SYNE1: variants seen among roughly 807,000 people sequenced by gnomAD.
The protein encoded by SYNE1 is nesprin-1.
SYNE1 carries 616 observed loss-of-function variants against 1,111.0 expected under a neutral mutation model. That is an observed-to-expected ratio of 0.55 (90% CI 0.52 to 0.59). The LOEUF is 0.59. SYNE1 is among the 20% of genes least tolerant of loss of function. The pLI is 0.00. For missense variants in SYNE1, 10,006 were observed against 10,417.0 expected (o/e 0.96, Z 1.72); for synonymous variants, 3,855 against 3,825.8 (o/e 1.01, Z -0.28).
In SYNE1 at chr6:152,278,278, A is replaced by G; in HGVS notation, c.18384T>C (p.Asn6128=). Residue 6128 remains asparagine, a splice_region_variant and synonymous_variant, in exon 98 of 146, where the codon AAT becomes AAC. Coordinates refer to ENST00000367255, the MANE Select transcript of SYNE1 (RefSeq NM_182961.4). ...DMEAQLMDCQ[N]MLVEIEQKVV... Reference sequence around the variant, plus strand: ...CCTTCTGCTCTATTTCCACCAGCATATTCTGCAGCAACAGAAATAAGAATG... The same window carrying G: ...CCTTCTGCTCTATTTCCACCAGCATGTTCTGCAGCAACAGAAATAAGAATG... 6.2e-7 allele frequency: 1 copy of G among 1,614,038 alleles called. No homozygotes were observed.
In SYNE1 at chr6:152,362,419, G is replaced by A. The variant is rs1421838701; in HGVS notation, c.10146-96C>T. ...GCTCCATCCACTCCAGTAAGCAAGG[G>A]GTCAAGAGATCAGGAAGAAGCTTGC... is the stretch of plus-strand genomic sequence containing the variant. On this transcript the variant is annotated intron_variant, in intron 63 of 145. Coordinates refer to ENST00000367255, the MANE Select transcript of SYNE1 (RefSeq NM_182961.4). 1.3e-5 allele frequency: 20 copies of A among 1,528,920 alleles called. 1 individual carries two copies. The highest frequency in any genetic ancestry group is 9.0e-5 in the East Asian group (4 of 44,244). The allele number at this position is 1,528,920 out of a possible 1,614,324, so 94.7% of individuals were successfully genotyped here. A position where few individuals can be genotyped will look rare whatever the true frequency, so the allele number is the denominator to read the frequency against.
At chr6:152,139,269 C>A (rs1402578210) in intron 140 of SYNE1, among the ~76,000 whole-genome samples, 2 of 152,014 alleles carry the variant, frequency 1.3e-5, no homozygotes, top group South Asian at 4.2e-4. Context: ...CCCTTTTCTG[C>A]CCTTGAAAAC....
chr6:152,289,367 T>C (rs974761195), intron 95 of SYNE1, among the ~76,000 whole-genome samples: 1 of 152,212 alleles, frequency 6.6e-6, no homozygotes, highest in African/African-American at 2.4e-5. Flanking sequence ...GGACCTTATG[T>C]GACCTTCAGA....
chr6:152,595,359 C>T (rs1293955633), intron 3 of SYNE1, among the ~76,000 whole-genome samples: 4 of 152,208 alleles, frequency 2.6e-5, no homozygotes, highest in Admixed American at 1.3e-4. Context: ...CATCCAAGCT[C>T]CAGATACACT....
intron 105 of SYNE1, among the ~76,000 whole-genome samples, chr6:152,248,581 C>T (rs972238964): frequency 6.6e-6 from 1 of 152,008 alleles, no homozygotes; most frequent in Non-Finnish European, 1.5e-5. Context: ...TTTACATATC[C>T]AATCTTGTTT....
At chr6:152,453,293 G>A (rs2098666349) in intron 25 of SYNE1, 1 of 588,038 alleles carries the variant, frequency 1.7e-6, no homozygotes, top group African/African-American at 1.9e-5. Context: ...CTTATGAAAT[G>A]TTGCTAGAAT....
intron 137 of SYNE1, chr6:152,145,973 C>T (rs543903895): frequency 2.6e-5 from 6 of 231,626 alleles, no homozygotes; most frequent in Admixed American, 1.2e-4. Flanking sequence ...TGCAGTGAGC[C>T]GAGATTGTGC....
intron 140 of SYNE1, among the ~76,000 whole-genome samples, chr6:152,137,951 C>G (rs549067454): frequency 6.6e-6 from 1 of 152,140 alleles, no homozygotes; most frequent in Non-Finnish European, 1.5e-5. Context: ...TTTCCCTACC[C>G]TAATCTCTCT....
chr6:152,122,817 T>G, intron 145 of SYNE1, 141 bp from the exon 146 acceptor site: 1 of 1,281,008 alleles, frequency 7.8e-7, no homozygotes. Flanking sequence ...CCTTCCACAG[T>G]GTGCCCAGGT....
intron 8 of SYNE1, among the ~76,000 whole-genome samples, chr6:152,506,368 G>A (rs1459444499): frequency 6.6e-6 from 1 of 151,984 alleles, no homozygotes; most frequent in Non-Finnish European, 1.5e-5. Flanking sequence ...TCATCTAGTA[G>A]CTTCTTTTTA....
At chr6:152,333,008 A>G (rs2096283434) in intron 77 of SYNE1, among the ~76,000 whole-genome samples, 1 of 152,184 alleles carries the variant, frequency 6.6e-6, no homozygotes, top group African/African-American at 2.4e-5. Context: ...AGTATCAAAG[A>G]AAAGCAAACA....
chr6:152,224,076 C>G (rs1218622256), intron 117 of SYNE1, among the ~76,000 whole-genome samples: 3 of 152,192 alleles, frequency 2.0e-5, no homozygotes, highest in Admixed American at 2.0e-4. Context: ...ATGGAAGCAA[C>G]TGAATGGTTT....
intron 3 of SYNE1, among the ~76,000 whole-genome samples, chr6:152,621,000 G>A (rs1039643239): frequency 3.3e-5 from 5 of 152,180 alleles, no homozygotes; most frequent in Admixed American, 2.6e-4. Flanking sequence ...TTTAGAGGAA[G>A]GAGAGGAAAT....
chr6:152,452,612 C>T (rs1224608315), intron 25 of SYNE1, among the ~76,000 whole-genome samples: 1 of 152,184 alleles, frequency 6.6e-6, no homozygotes, highest in African/African-American at 2.4e-5. Flanking sequence ...TCCAAAACTC[C>T]TCCATGTAGC....
rs1586372135 is a variant in SYNE1 at position 152,154,778 on chromosome 6, G to A, written c.24129+114C>T. ...AAGATGGCTGCAAAGTCCTCACGCAGCAATTTGAGCAGATAACATGTGGTG... is the reference window on the plus strand; with the variant it reads ...AAGATGGCTGCAAAGTCCTCACGCAACAATTTGAGCAGATAACATGTGGTG... On this transcript the variant is annotated intron_variant, in intron 133 of 145. Coordinates refer to ENST00000367255, the MANE Select transcript of SYNE1 (RefSeq NM_182961.4). 18 of 1,211,896 alleles carry A rather than the reference G, an allele frequency of 1.5e-5. No homozygotes were observed. The East Asian group carries it at 2.1e-4, about 14-fold the overall frequency. The allele number at this position is 1,211,896 out of a possible 1,614,324, so 75.1% of individuals were successfully genotyped here. A position where few individuals can be genotyped will look rare whatever the true frequency, so the allele number is the denominator to read the frequency against.
At position 152,369,559 on chromosome 6, in the gene SYNE1, C is replaced by T. The variant is rs368662092; in HGVS notation, c.9563G>A (p.Trp3188Ter). 1.2e-6 allele frequency: 2 copies of T among 1,614,192 alleles called. No homozygotes were observed. The highest frequency in any genetic ancestry group is 1.7e-6 in the Non-Finnish European group (2 of 1,180,026). The change falls in exon 60 of 146, where the codon TGG becomes TAG. Residue 3188 changes from tryptophan to a stop codon, truncating the protein, a stop_gained. Coordinates refer to ENST00000367255, the MANE Select transcript of SYNE1 (RefSeq NM_182961.4). LOFTEE classifies it high-confidence loss of function. ...GACCATCTTCTCAGTTTTACTCAGC[C>T]AGTCCTGGATAGGCTCAGCACTTAC... Reference protein sequence around the residue: ...FEVSAEPIQDWLSKTEKMVHE... With the variant: ...FEVSAEPIQD
rs376174370 is a variant in SYNE1, at chr6:152,396,962, T to C, written c.7369A>G (p.Ser2457Gly). The C allele has an allele frequency of 1.2e-6, 2 of 1,614,188 alleles. No individual in the cohort carries two copies. Among genetic ancestry groups the C allele is most frequent in the African/African-American group, 2.7e-5 (2 of 75,054 alleles). Residue 2457 changes from serine to glycine, a missense_variant, in exon 50 of 146, where the codon AGT becomes GGT. By Grantham distance (56) the Ser-to-Gly change is moderately conservative. Transcript: ENST00000367255. ...HDLQNILDSV[S>G]DGQSKLDAVT... ...GCATCAAGTTTGCTCTGCCCATCAC[T>C]GACTGAGTCCAAAATGTTCTGTTTC...
chr6:152,418,510 G>A (rs2098201083), intron 40 of SYNE1, among the ~76,000 whole-genome samples: 1 of 152,154 alleles, frequency 6.6e-6, no homozygotes, highest in Non-Finnish European at 1.5e-5. Context: ...GTACTATGTA[G>A]CTTATCTCCA....
chr6:152,308,729 A>C, intron 90 of SYNE1, 97 bp from the exon 91 acceptor site: 1 of 1,338,734 alleles, frequency 7.5e-7, no homozygotes, highest in Non-Finnish European at 1.0e-6. Flanking sequence ...TTACCTGTAC[A>C]GGTAGGGAAT....
Sources: allele counts gnomAD v4.1 joint callset (sites outside exome capture counted in the v4.1 genomes callset), GRCh38; gene constraint gnomAD v4.1.1; transcripts MANE v1.5; gene names NCBI Gene and HGNC (gene_info 2026-07-23, HGNC 2026-07-21).